Variants in DSCAML1 observed in about 807,000 individuals in gnomAD.
DSCAML1 encodes the protein DS cell adhesion molecule like 1, also known as cell adhesion molecule DSCAML1.
In DSCAML1, 38 loss-of-function variants were observed where a neutral mutation model predicts 200.5. That is an observed-to-expected ratio of 0.19 (90% CI 0.15 to 0.25). The LOEUF is 0.25. Ranked by LOEUF, DSCAML1 falls within the 10% of genes least tolerant of loss-of-function variation. The pLI is 1.00. For synonymous variants in DSCAML1, 1,215 were observed against 1,165.0 expected (o/e 1.04, Z -0.87); for missense variants, 2,223 against 2,858.8 (o/e 0.78, Z 5.07).
At chr11:117,569,566 C>T (rs1279713663) in intron 3 of DSCAML1, among the ~76,000 whole-genome samples, 2 of 152,208 alleles carry the variant, frequency 1.3e-5, no homozygotes, top group African/African-American at 4.8e-5. Context: ...CCCTGCCAAG[C>T]CCTGCCTACT....
intron 3 of DSCAML1, among the ~76,000 whole-genome samples, chr11:117,543,203 A>C (rs2050303553): frequency 6.6e-6 from 1 of 152,216 alleles, no homozygotes; most frequent in Non-Finnish European, 1.5e-5. Context: ...GGGAGAAAAA[A>C]AATCCTGCCA....
chr11:117,686,922 C>T (rs540790736), intron 3 of DSCAML1, among the ~76,000 whole-genome samples: 2 of 152,218 alleles, frequency 1.3e-5, no homozygotes, highest in Non-Finnish European at 2.9e-5. Flanking sequence ...GTGACTCAGG[C>T]ACTAAGTGGG....
intron 3 of DSCAML1, among the ~76,000 whole-genome samples, chr11:117,699,557 A>G (rs1269276028): frequency 6.6e-6 from 1 of 152,060 alleles, no homozygotes; most frequent in Non-Finnish European, 1.5e-5. Context: ...AGCTGGGAGG[A>G]GTTTGGTAGG....
At chr11:117,554,084 G>A (rs1591258770) in intron 3 of DSCAML1, among the ~76,000 whole-genome samples, 1 of 152,352 alleles carries the variant, frequency 6.6e-6, no homozygotes, top group East Asian at 1.9e-4. Flanking sequence ...TTCTACTTAT[G>A]TGAGGTCCCT....
intron 3 of DSCAML1, among the ~76,000 whole-genome samples, chr11:117,748,684 G>A (rs1020041998): frequency 6.6e-6 from 1 of 152,242 alleles, no homozygotes; most frequent in African/African-American, 2.4e-5. Flanking sequence ...GGCTGGTAGT[G>A]TTGCATGTTG....
chr11:117,663,256 C>A lies in DSCAML1; in HGVS notation c.511+113535G>T, dbSNP rs138883070. Among the ~76,000 whole-genome samples the A allele has an allele frequency of 3.5e-3, 539 of 152,316 alleles. 4 individuals are homozygous for A. The highest frequency in any genetic ancestry group is 4.9e-3 in the Non-Finnish European group (331 of 68,020). On this transcript the variant is annotated intron_variant, in intron 3 of 32. Coordinates refer to ENST00000651296, the MANE Select transcript of DSCAML1 (RefSeq NM_020693.4). ...ACAGTGCTTCTGATCTCACGGCTTACCTTGCTGTCATGGCTCCACCTGGCC... is the reference window on the plus strand; with the variant it reads ...ACAGTGCTTCTGATCTCACGGCTTAACTTGCTGTCATGGCTCCACCTGGCC...
At chr11:117,809,432 T>C (rs1463523455) in intron 1 of DSCAML1, among the ~76,000 whole-genome samples, 1 of 152,222 alleles carries the variant, frequency 6.6e-6, no homozygotes, top group Non-Finnish European at 1.5e-5. Context: ...TCTGCGGTCC[T>C]CCGCGGAAGG....
At chr11:117,526,177 G>A (rs576992862) in intron 4 of DSCAML1, among the ~76,000 whole-genome samples, 2 of 152,292 alleles carry the variant, frequency 1.3e-5, no homozygotes, top group South Asian at 2.1e-4. Flanking sequence ...GCCCCTGGGG[G>A]ACCTCCTCCT....
intron 3 of DSCAML1, among the ~76,000 whole-genome samples, chr11:117,714,398 T>A (rs781286826): frequency 2.0e-5 from 3 of 152,134 alleles, no homozygotes; most frequent in Non-Finnish European, 4.4e-5. Context: ...CATCTGCAGG[T>A]GGTGCCTGCT....
chr11:117,789,785 G>T (rs541442854), intron 1 of DSCAML1, among the ~76,000 whole-genome samples: 1 of 152,274 alleles, frequency 6.6e-6, no homozygotes, highest in African/African-American at 2.4e-5. Context: ...GTGAGTAGAA[G>T]GTCCAAGACC....
chr11:117,709,318 G>A, intron 3 of DSCAML1, among the ~76,000 whole-genome samples: 1 of 152,206 alleles, frequency 6.6e-6, no homozygotes, highest in East Asian at 1.9e-4. Flanking sequence ...AGAGACTGGG[G>A]AGGGCTCTCC....
At chr11:117,704,482 T>C (rs567459080) in intron 3 of DSCAML1, among the ~76,000 whole-genome samples, 2 of 152,226 alleles carry the variant, frequency 1.3e-5, no homozygotes, top group South Asian at 2.1e-4. Context: ...GATGGCAAAA[T>C]TGAAGTCTGG....
At chr11:117,486,699 G>T (rs1330022218) in intron 11 of DSCAML1, among the ~76,000 whole-genome samples, 1 of 152,056 alleles carries the variant, frequency 6.6e-6, no homozygotes, top group Non-Finnish European at 1.5e-5. Flanking sequence ...GGCTTCAGGT[G>T]TTACTTGCCA....
intron 3 of DSCAML1, among the ~76,000 whole-genome samples, chr11:117,722,400 G>A (rs1485998416): frequency 6.6e-6 from 1 of 152,118 alleles, no homozygotes; most frequent in Non-Finnish European, 1.5e-5. Flanking sequence ...GAGCCAGGGA[G>A]AGGTTGATTA....
chr11:117,730,367 C>T (rs2054199309), intron 3 of DSCAML1, among the ~76,000 whole-genome samples: 1 of 152,158 alleles, frequency 6.6e-6, no homozygotes, highest in African/African-American at 2.4e-5. Flanking sequence ...CAGAACCTCC[C>T]CTACAGCCTC....
chr11:117,795,626 C>T lies in DSCAML1; in HGVS notation c.46+1408G>A, dbSNP rs571457102. On this transcript the variant is annotated intron_variant, in intron 1 of 32. Transcript: ENST00000651296. Reference sequence around the variant, plus strand: ...ACTTTGTCGACGATTTTTGAGGCCACCCTTCCTTGTCCCGCAATCCGATCG... The same window carrying T: ...ACTTTGTCGACGATTTTTGAGGCCATCCTTCCTTGTCCCGCAATCCGATCG... Among the ~76,000 whole-genome samples, 6 of 152,176 alleles carry T rather than the reference C, an allele frequency of 3.9e-5. No homozygotes were observed. In the South Asian group the frequency reaches 1.0e-3, roughly 26 times the overall value.
intron 3 of DSCAML1, among the ~76,000 whole-genome samples, chr11:117,545,090 C>T (rs546254750): frequency 5.9e-5 from 9 of 151,994 alleles, no homozygotes; most frequent in Non-Finnish European, 1.2e-4. Context: ...ACTAGCTGGG[C>T]GTGGTGGCGG....
In DSCAML1 at chr11:117,437,326, C is replaced by G. The variant is rs764099793; in HGVS notation, c.4516G>C (p.Gly1506Arg). 9 of 1,614,250 alleles carry G rather than the reference C, an allele frequency of 5.6e-6. No individual in the cohort carries two copies. The highest frequency in any genetic ancestry group is 7.6e-6 in the Non-Finnish European group (9 of 1,180,042). ...ACGATGGCTGTGATAGGGCAGCCCC[C>G]ATTGTTCCAGCCCTGCAGGTTAAGC... ...ARLNLQGWNN[G>R]GCPITAIVLE... The change falls in exon 26 of 33, where the codon GGG becomes CGG. Residue 1506 changes from glycine (G) to arginine (R), a missense_variant. Physicochemically the swap from Gly to Arg is moderately radical, Grantham distance 125 (BLOSUM62 -2). Transcript: ENST00000651296. This position sits in a 1 kb window ranked among gnomAD's most constrained non-coding sequence, Gnocchi z 5.3.
At chr11:117,601,073 C>T (rs1233494409) in intron 3 of DSCAML1, among the ~76,000 whole-genome samples, 2 of 152,198 alleles carry the variant, frequency 1.3e-5, no homozygotes, top group African/African-American at 4.8e-5. Context: ...TTGCCGTACA[C>T]CCACAGAGCA....
Sources: gnomAD v4.1 joint callset for allele counts (sites outside exome capture counted in the v4.1 genomes callset) on GRCh38, gnomAD v4.1.1 for gene constraint, Gnocchi (gnomAD v3.1) non-coding constraint, MANE v1.5 for transcripts, NCBI Gene and HGNC (gene_info 2026-07-23, HGNC 2026-07-21) for gene names.